Variants in SCN11A observed in about 807,000 individuals in gnomAD.
The protein encoded by SCN11A is sodium voltage-gated channel alpha subunit 11, also known as sodium channel protein type 11 subunit alpha.
A neutral mutation model predicts 162.2 loss-of-function variants in SCN11A; 122 were observed. The ratio of observed to expected loss-of-function variants is 0.75; its 90% confidence interval spans 0.65 to 0.87. SCN11A has a LOEUF of 0.87. SCN11A is among the 40% of genes least tolerant of loss of function. The pLI is 0.00. For missense variants in SCN11A, 2,015 were observed against 2,181.6 expected, an observed-to-expected ratio of 0.92 and a Z score of 1.52; for synonymous variants, 758 against 751.5, an observed-to-expected ratio of 1.01 and a Z score of -0.14.
chr3:38,993,852 G>C (rs1487515079), intron 2 of SCN11A, among the ~76,000 whole-genome samples: 1 of 152,130 alleles, frequency 6.6e-6, no homozygotes, highest in Non-Finnish European at 1.5e-5. Context: ...AGGGAACTTG[G>C]AGTAGGGGGC....
chr3:38,848,473 G>A (rs923645971), intron 29 of SCN11A, among the ~76,000 whole-genome samples: 4 of 152,018 alleles, frequency 2.6e-5, no homozygotes, highest in Non-Finnish European at 5.9e-5. Context: ...GGTCTATTAG[G>A]GTTCATGGGC....
chr3:39,013,908 G>A (rs1318437233), intron 2 of SCN11A, among the ~76,000 whole-genome samples: 1 of 152,236 alleles, frequency 6.6e-6, no homozygotes, highest in African/African-American at 2.4e-5. Context: ...GGGAAAAGAT[G>A]AAGGGCAGAG....
chr3:39,040,679 T>C (rs939529847), intron 1 of SCN11A, among the ~76,000 whole-genome samples: 3 of 152,180 alleles, frequency 2.0e-5, no homozygotes, highest in Non-Finnish European at 1.5e-5. Flanking sequence ...GAAACATATA[T>C]TATTTTTTTA....
At chr3:39,027,657 AG>A (rs2031625427) in intron 2 of SCN11A, among the ~76,000 whole-genome samples, 1 of 152,184 alleles carries the variant, frequency 6.6e-6, no homozygotes, top group South Asian at 2.1e-4. Context: ...CCGACTGGGG[AG>A]GCTGTTTACC....
intron 23 of SCN11A, among the ~76,000 whole-genome samples, chr3:38,877,178 A>G (rs566489516): frequency 1.3e-4 from 11 of 86,656 alleles, no homozygotes; most frequent in African/African-American, 4.0e-4. Flanking sequence ...TATATATGGT[A>G]TATATATGGT....
chr3:38,867,491 C>T (rs762662164), intron 26 of SCN11A, 33 bp from the exon 27 acceptor site: 3 of 1,537,104 alleles, frequency 2.0e-6, no homozygotes, highest in African/African-American at 2.8e-5. Flanking sequence ...GAGAAAAAAA[C>T]AATTACTGGA....
intron 14 of SCN11A, among the ~76,000 whole-genome samples, chr3:38,906,203 C>A (rs2065789886): frequency 6.6e-6 from 1 of 152,188 alleles, no homozygotes; most frequent in South Asian, 2.1e-4. Context: ...ACTACATCTC[C>A]CTCTATCTCA....
intron 23 of SCN11A, among the ~76,000 whole-genome samples, chr3:38,873,359 C>T (rs2065158853): frequency 1.3e-5 from 2 of 152,150 alleles, no homozygotes; most frequent in Non-Finnish European, 2.9e-5. Flanking sequence ...TACCTAAAAA[C>T]ATTCCTCACA....
intron 6 of SCN11A, among the ~76,000 whole-genome samples, chr3:38,945,831 C>T (rs2066508613): frequency 6.6e-6 from 1 of 152,202 alleles, no homozygotes; most frequent in African/African-American, 2.4e-5. Flanking sequence ...GAAGGTGACT[C>T]AGCTGAGACC....
At position 38,852,370 on chromosome 3, in the gene SCN11A, G is replaced by A. The variant is rs116019681; in HGVS notation, c.4057-1619C>T. Reference sequence around the variant, plus strand: ...GAGAAAAGGTGCACTCCAGGGAAGCGGAATGAAGGGCAAAAAGAAATATGA... The same window carrying A: ...GAGAAAAGGTGCACTCCAGGGAAGCAGAATGAAGGGCAAAAAGAAATATGA... On this transcript the variant is annotated intron_variant, in intron 28 of 29. Transcript: ENST00000302328. Among the ~76,000 whole-genome samples the A allele has an allele frequency of 5.3e-3, 809 of 152,208 alleles. 5 individuals carry two copies. The highest frequency in any genetic ancestry group is 0.018 in the African/African-American group (763 of 41,524).
chr3:38,907,332 G>GTA (rs2065810566), intron 14 of SCN11A, among the ~76,000 whole-genome samples: 1 of 14,924 alleles, frequency 6.7e-5, no homozygotes, highest in African/African-American at 9.3e-5. Flanking sequence ...GTGTGTGTGT[G>GTA]TGTGTGTGTG....
intron 6 of SCN11A, 68 bp downstream of exon 6, chr3:38,946,721 T>C (rs2066521828): frequency 3.0e-6 from 3 of 1,005,052 alleles, no homozygotes; most frequent in Middle Eastern, 2.1e-4. Flanking sequence ...TCCAATAACA[T>C]GAACACCGTG....
chr3:38,929,698 G>C (rs2066208680), intron 7 of SCN11A, among the ~76,000 whole-genome samples: 1 of 152,128 alleles, frequency 6.6e-6, no homozygotes, highest in African/African-American at 2.4e-5. Flanking sequence ...GGTATTAAGA[G>C]GTGGGACCCT....
At chr3:38,934,746 C>A (rs1281612916) in intron 7 of SCN11A, among the ~76,000 whole-genome samples, 1 of 151,936 alleles carries the variant, frequency 6.6e-6, no homozygotes, top group African/African-American at 2.4e-5. Flanking sequence ...GAGTGACCTA[C>A]AAAGAGACTT....
chr3:38,950,076 C>G lies in SCN11A; in HGVS notation c.267+20G>C. The G allele has an allele frequency of 8.4e-6, 1 of 119,250 alleles. No homozygotes were observed. The highest frequency in any genetic ancestry group is 1.8e-5 in the Non-Finnish European group (1 of 55,432). 7.4% of individuals were successfully genotyped at this position (119,250 alleles called of 1,614,324 possible). ...TAGAACACCCCCACCCCCACCCCCC[C>G]CCCCCGCCCAATGAAGTACCTTATG... is the stretch of plus-strand genomic sequence containing the variant. On this transcript the variant is annotated intron_variant, in intron 5 of 29. Coordinates refer to ENST00000302328, the MANE Select transcript of SCN11A (RefSeq NM_001349253.2).
chr3:38,998,407 T>G (rs2030707513), intron 2 of SCN11A, among the ~76,000 whole-genome samples: 1 of 152,172 alleles, frequency 6.6e-6, no homozygotes, highest in South Asian at 2.1e-4. Flanking sequence ...ATAGCAGCAC[T>G]TCTATGATGC....
At chr3:38,929,135 GCACACACA>G (rs748169973) in intron 7 of SCN11A, among the ~76,000 whole-genome samples, 6 of 66,604 alleles carry the variant, frequency 9.0e-5, no homozygotes, top group South Asian at 6.9e-4. Flanking sequence ...GTCTGTGCAC[GCACACACA>G]CACACACACA....
chr3:38,952,117 G>A lies in SCN11A; in HGVS notation c.-8+1512C>T, dbSNP rs536819761. Among the ~76,000 whole-genome samples, 13 of 152,236 alleles carry A rather than the reference G, an allele frequency of 8.5e-5. No individual in the cohort carries two copies. The South Asian group carries it at 2.7e-3, about 32-fold the overall frequency. On this transcript the variant is annotated intron_variant, in intron 4 of 29. Transcript: ENST00000302328. Reference sequence around the variant, plus strand: ...AGCAAGACCACGAGCCCACCAGGAGGAATGAACAACTCCAGACGCACTGCC... The same window carrying A: ...AGCAAGACCACGAGCCCACCAGGAGAAATGAACAACTCCAGACGCACTGCC...
chr3:38,887,778 T>C (rs1470120330), intron 19 of SCN11A, among the ~76,000 whole-genome samples: 1 of 152,194 alleles, frequency 6.6e-6, no homozygotes, highest in Non-Finnish European at 1.5e-5. Context: ...GGACGGATCC[T>C]TTTGCTGGTT....
Sources: allele counts gnomAD v4.1 joint callset (sites outside exome capture counted in the v4.1 genomes callset), GRCh38; gene constraint gnomAD v4.1.1; transcripts MANE v1.5; gene names NCBI Gene and HGNC (gene_info 2026-07-23, HGNC 2026-07-21).